Variants in CALM2 observed in about 807,000 individuals in gnomAD.
CALM2 encodes the protein calmodulin-2.
CALM2 carries 2 observed loss-of-function variants against 19.8 expected under a neutral mutation model. The observed-to-expected ratio is 0.10, with a 90% CI of 0.04 to 0.32. The LOEUF is 0.32. Among genes scored for constraint, CALM2 ranks in the 10% least tolerant of loss-of-function variants. The pLI, the probability that CALM2 is intolerant of heterozygous loss-of-function variation, is 1.00. For synonymous variants in CALM2, 51 were observed against 52.1 expected (o/e 0.98, Z 0.09); for missense variants, 38 against 178.7 (o/e 0.21, Z 4.49).
In CALM2 at chr2:47,170,725, AT is replaced by A. The variant is rs1435367594; in HGVS notation, c.34+8del. 1 of 1,609,124 alleles carries A rather than the reference AT, an allele frequency of 6.2e-7. No individual in the cohort carries two copies. Among genetic ancestry groups the A allele is most frequent in the Non-Finnish European group, 8.5e-7 (1 of 1,175,430 alleles). Reference sequence around the variant, plus strand: ...TCTAATGGGTACAATCTAGCTGAGTATTTCTCACCTGCAATCTGCTCTTCAG... The same window carrying A: ...TCTAATGGGTACAATCTAGCTGAGTATTCTCACCTGCAATCTGCTCTTCAG... On this transcript the variant is annotated splice_region_variant and intron_variant, in intron 2 of 5. Transcript: ENST00000272298.
chr2:47,163,683 C>G (rs1465100555), intron 2 of CALM2: 2 of 152,274 alleles, frequency 1.3e-5, no homozygotes, highest in Non-Finnish European at 2.9e-5. Context: ...CCGCCTGTCT[C>G]TGCCTCCCAA....
At chr2:47,164,305 T>A (rs1229245275) in intron 2 of CALM2, among the ~76,000 whole-genome samples, 1 of 143,370 alleles carries the variant, frequency 7.0e-6, no homozygotes, top group Non-Finnish European at 1.5e-5. Context: ...ACACACAAGC[T>A]GGGTGTGGCG....
upstream of CALM2, chr2:47,176,855 T>C (rs1666892182): frequency 1.0e-6 from 1 of 985,422 alleles, no homozygotes; most frequent in African/African-American, 1.7e-5. Context: ...GTACCTGCAA[T>C]GCGTCACTGG....
chr2:47,170,954 G>A, intron 1 of CALM2, 190 bp from the exon 2 acceptor site: 1 of 570,288 alleles, frequency 1.8e-6, no homozygotes. Flanking sequence ...TTAACTCCAA[G>A]TTTAAGATAT....
At chr2:47,172,531 A>T in intron 1 of CALM2, 3 of 1,167,838 alleles carry the variant, frequency 2.6e-6, no homozygotes, top group Non-Finnish European at 3.4e-6. Context: ...TATCAACCTG[A>T]CTAGCTCAAT....
At chr2:47,176,592 C>T (rs1326010755), upstream of CALM2, 6 of 1,540,756 alleles carry the variant, frequency 3.9e-6, no homozygotes, top group Non-Finnish European at 3.5e-6. Flanking sequence ...AACGGAACAT[C>T]GCAAACGAGT....
chr2:47,176,569 G>A, upstream of CALM2: 1 of 1,550,432 alleles, frequency 6.4e-7, no homozygotes. Flanking sequence ...AGATCCCTCC[G>A]CCGCATCCAG....
intron 2 of CALM2, among the ~76,000 whole-genome samples, chr2:47,169,514 C>T (rs962760227): frequency 6.8e-6 from 1 of 147,458 alleles, no homozygotes; most frequent in Admixed American, 6.7e-5. Flanking sequence ...TGTAACTCAA[C>T]AAAAAAAAAA....
At chr2:47,172,640 C>A in intron 1 of CALM2, 1 of 353,944 alleles carries the variant, frequency 2.8e-6, no homozygotes, top group Non-Finnish European at 5.2e-6. Flanking sequence ...AAAATTTATG[C>A]AAACTAAATC....
At chr2:47,174,675 C>T (rs1185503553) in intron 1 of CALM2, among the ~76,000 whole-genome samples, 2 of 151,930 alleles carry the variant, frequency 1.3e-5, no homozygotes, top group East Asian at 3.9e-4. Context: ...GATACCAACT[C>T]TACCAAGAAA....
intron 2 of CALM2, among the ~76,000 whole-genome samples, chr2:47,170,408 T>G (rs1341918038): frequency 2.0e-5 from 3 of 152,038 alleles, no homozygotes; most frequent in African/African-American, 7.3e-5. Flanking sequence ...TCTAGCGTGT[T>G]AGCTAGCCCA....
At chr2:47,173,011 T>A (rs1666727916) in intron 1 of CALM2, 1 of 152,114 alleles carries the variant, frequency 6.6e-6, no homozygotes, top group Non-Finnish European at 1.5e-5. Flanking sequence ...ATCACAAAAA[T>A]GAGCTTCAAG....
At chr2:47,169,552 T>C (rs926511307) in intron 2 of CALM2, among the ~76,000 whole-genome samples, 6 of 152,338 alleles carry the variant, frequency 3.9e-5, no homozygotes, top group African/African-American at 1.4e-4. Context: ...TGCTTTTTGT[T>C]CATAACAGTC....
At chr2:47,176,373 G>A (rs1666868304) in intron 1 of CALM2, 68 bp downstream of exon 1, 1 of 1,589,942 alleles carries the variant, frequency 6.3e-7, no homozygotes, top group Non-Finnish European at 8.6e-7. Flanking sequence ...AGTTTCCTTT[G>A]TTTAGTCAGT....
intron 2 of CALM2, among the ~76,000 whole-genome samples, chr2:47,169,034 A>G (rs534678688): frequency 1.3e-4 from 20 of 152,142 alleles, no homozygotes; most frequent in African/African-American, 3.6e-4. Context: ...TCGGCCTCCC[A>G]AAGTGCTGGA....
At chr2:47,176,136 C>G (rs566785031) in intron 1 of CALM2, 5 of 406,852 alleles carry the variant, frequency 1.2e-5, no homozygotes, top group African/African-American at 2.0e-5. Context: ...CTCTCCTTCC[C>G]GTGCACTGGG....
chr2:47,162,171 C>CAAAAAAAAAA (rs56839340), intron 4 of CALM2, 115 bp downstream of exon 4: 109 of 130,118 alleles, frequency 8.4e-4, no homozygotes, highest in East Asian at 2.4e-3. Flanking sequence ...GGTAAATCAT[C>CAAAAAAAAAA]AAAAAAAAAA....
intron 1 of CALM2, among the ~76,000 whole-genome samples, chr2:47,174,419 A>AT (rs1021130929): frequency 1.3e-5 from 2 of 151,990 alleles, no homozygotes; most frequent in African/African-American, 2.4e-5. Context: ...TGTCCGGCTA[A>AT]TTTTTTTTAA....
At chr2:47,167,315 A>C (rs914831697) in intron 2 of CALM2, among the ~76,000 whole-genome samples, 5 of 152,248 alleles carry the variant, frequency 3.3e-5, no homozygotes, top group Non-Finnish European at 7.3e-5. Flanking sequence ...AGCAACAACT[A>C]ATGACATCAT....
Sources: gnomAD v4.1 joint callset for allele counts (sites outside exome capture counted in the v4.1 genomes callset) on GRCh38, gnomAD v4.1.1 for gene constraint, MANE v1.5 for transcripts, NCBI Gene and HGNC (gene_info 2026-07-23, HGNC 2026-07-21) for gene names.